ACSS2: variants seen among roughly 807,000 people sequenced by gnomAD.
ACSS2 encodes the protein acetyl-coenzyme A synthetase, cytoplasmic.
A neutral mutation model predicts 90.6 loss-of-function variants in ACSS2; 58 were observed. The ratio of observed to expected loss-of-function variants is 0.64; its 90% CI spans 0.52 to 0.80. The LOEUF (loss-of-function observed/expected upper bound fraction) is 0.80. Among genes scored for constraint, ACSS2 ranks in the 30% least tolerant of loss-of-function variants. The probability of loss-of-function intolerance (pLI) is 0.00; values close to 1 mark genes in which losing one functional copy is unlikely to be tolerated. For missense variants in ACSS2, 759 were observed against 912.0 expected (o/e 0.83, Z 2.16); for synonymous variants, 300 against 330.9 (o/e 0.91, Z 1.01).
At chr20:34,910,781 C>CA (rs1467426436) in intron 2 of ACSS2, among the ~76,000 whole-genome samples, 1 of 152,108 alleles carries the variant, frequency 6.6e-6, no homozygotes, top group East Asian at 1.9e-4. Flanking sequence ...ATTACTTATT[C>CA]AAAAAAATCA....
At chr20:34,917,730 G>T (rs776158704) in intron 7 of ACSS2, among the ~76,000 whole-genome samples, 1 of 151,944 alleles carries the variant, frequency 6.6e-6, no homozygotes, top group Non-Finnish European at 1.5e-5. Flanking sequence ...TTAAGTTTTT[G>T]TGGGTTTTTT....
chr20:34,890,810 A>G (rs535166413), intron 2 of ACSS2, among the ~76,000 whole-genome samples: 1 of 152,246 alleles, frequency 6.6e-6, no homozygotes, highest in South Asian at 2.1e-4. Context: ...TTTGAGAATA[A>G]GGCAACTTTA....
At chr20:34,893,260 G>A (rs2147000824) in intron 2 of ACSS2, among the ~76,000 whole-genome samples, 1 of 152,106 alleles carries the variant, frequency 6.6e-6, no homozygotes. Flanking sequence ...GGAGTGCAGT[G>A]GTGCAGTTGT....
At position 34,882,810 on chromosome 20, in the gene ACSS2, T is replaced by G; in HGVS notation, c.195T>G (p.Ile65Met). The G allele has an allele frequency of 6.2e-7, 1 of 1,612,406 alleles. No homozygotes were observed. The highest frequency in any genetic ancestry group is 8.5e-7 in the Non-Finnish European group (1 of 1,179,560). Residue 65 changes from isoleucine (I) to methionine (M), a missense_variant, in exon 2 of 18, where the codon ATT becomes ATG. Physicochemically the swap from Ile to Met is conservative, Grantham distance 10. Transcript: ENST00000360596. ...CTGTTGCAGAATTCTGGGGAGACAT[T>G]GCCAAGGAATTTTACTGGAAGACTC... The part of the protein sequence containing the change: ...VEEPREFWGD[I>M]AKEFYWKTPC...
chr20:34,911,157 A>G (rs1371601761), intron 2 of ACSS2, among the ~76,000 whole-genome samples: 1 of 149,640 alleles, frequency 6.7e-6, no homozygotes, highest in African/African-American at 2.5e-5. Context: ...GGCTGGGACT[A>G]TAGGTGCATG....
intron 1 of ACSS2, among the ~76,000 whole-genome samples, chr20:34,881,134 C>T (rs2080063582): frequency 6.8e-6 from 1 of 146,312 alleles, no homozygotes; most frequent in African/African-American, 2.5e-5. Flanking sequence ...TCAGGCGATT[C>T]TCCTGCCTCA....
At chr20:34,916,027 C>T (rs2081070198) in intron 7 of ACSS2, among the ~76,000 whole-genome samples, 1 of 152,174 alleles carries the variant, frequency 6.6e-6, no homozygotes, top group African/African-American at 2.4e-5. Flanking sequence ...GCTCACTATT[C>T]CTCTGGATTT....
intron 2 of ACSS2, among the ~76,000 whole-genome samples, chr20:34,900,815 A>G (rs2080639003): frequency 6.6e-6 from 1 of 152,236 alleles, no homozygotes; most frequent in African/African-American, 2.4e-5. Context: ...CTAAAATTCC[A>G]TCCTTGGTAG....
chr20:34,925,861 G>T, intron 15 of ACSS2, 95 bp downstream of exon 15: 1 of 1,397,054 alleles, frequency 7.2e-7, no homozygotes, highest in Non-Finnish European at 9.8e-7. Context: ...GTGTCCTTTG[G>T]CCAGACCATG....
At chr20:34,893,832 A>G (rs1280965328) in intron 2 of ACSS2, among the ~76,000 whole-genome samples, 1 of 152,124 alleles carries the variant, frequency 6.6e-6, no homozygotes, top group Non-Finnish European at 1.5e-5. Context: ...TGGTCTACTT[A>G]TGGTTTTACT....
At chr20:34,923,536 T>G in intron 14 of ACSS2, 105 bp downstream of exon 14, 1 of 795,072 alleles carries the variant, frequency 1.3e-6, no homozygotes, top group Non-Finnish European at 2.1e-6. Context: ...TACCTGAGAC[T>G]GGGTGATTTA....
chr20:34,893,387 T>C (rs1035831224), intron 2 of ACSS2, among the ~76,000 whole-genome samples: 1 of 151,868 alleles, frequency 6.6e-6, no homozygotes, highest in Non-Finnish European at 1.5e-5. Flanking sequence ...TTATTTTTAT[T>C]TTGAGACAGA....
chr20:34,923,552 A>G (rs2081248167), intron 14 of ACSS2, 121 bp downstream of exon 14: 1 of 745,722 alleles, frequency 1.3e-6, no homozygotes. Flanking sequence ...ATTTATAAAG[A>G]AAAGAGGTTT....
chr20:34,923,279 G>T, intron 13 of ACSS2, 44 bp from the exon 14 acceptor site: 1 of 1,356,336 alleles, frequency 7.4e-7, no homozygotes, highest in South Asian at 1.2e-5. Context: ...CTTCCAGTGA[G>T]ACAGCATAGC....
chr20:34,910,785 A>G (rs1208943864), intron 2 of ACSS2, among the ~76,000 whole-genome samples: 1 of 152,240 alleles, frequency 6.6e-6, no homozygotes, highest in Non-Finnish European at 1.5e-5. Flanking sequence ...CTTATTCAAA[A>G]AAATCATAAA....
At chr20:34,925,565 C>A in intron 14 of ACSS2, 133 bp from the exon 15 acceptor site, 2 of 901,970 alleles carry the variant, frequency 2.2e-6, no homozygotes, top group Non-Finnish European at 1.7e-6. Flanking sequence ...TGGAGGCTGG[C>A]TACTACAGTG....
At chr20:34,890,884 A>G (rs1005249637) in intron 2 of ACSS2, among the ~76,000 whole-genome samples, 2 of 150,996 alleles carry the variant, frequency 1.3e-5, no homozygotes, top group Admixed American at 1.3e-4. Flanking sequence ...TATGAATTCC[A>G]TAGTATGATA....
chr20:34,896,514 G>T (rs1221732390), intron 2 of ACSS2, among the ~76,000 whole-genome samples: 3 of 152,126 alleles, frequency 2.0e-5, no homozygotes, highest in Non-Finnish European at 4.4e-5. Flanking sequence ...CTTGGATCCA[G>T]CTGGTCATAT....
upstream of ACSS2, chr20:34,875,053 A>T: frequency 1.9e-6 from 1 of 534,578 alleles, no homozygotes; most frequent in Non-Finnish European, 3.8e-6. Context: ...TCACTCTTGG[A>T]GTTAGATATT....
Sources: allele counts gnomAD v4.1 joint callset (sites outside exome capture counted in the v4.1 genomes callset), GRCh38; gene constraint gnomAD v4.1.1; transcripts MANE v1.5; gene names NCBI Gene and HGNC (gene_info 2026-07-23, HGNC 2026-07-21).